SORCS1: variants seen among roughly 807,000 people sequenced by gnomAD.
The protein encoded by SORCS1 is VPS10 domain-containing receptor SorCS1.
Under a neutral mutation model 146.1 loss-of-function variants are expected in SORCS1, and 60 were observed. The observed-to-expected ratio is 0.41, with a 90% CI of 0.33 to 0.51. SORCS1 has a LOEUF of 0.51. Ranked by LOEUF, SORCS1 falls within the 20% of genes least tolerant of loss-of-function variation. SORCS1 has a pLI of 0.21. For synonymous variants in SORCS1, 637 were observed against 584.0 expected, an observed-to-expected ratio of 1.09 and a Z score of -1.31; for missense variants, 1,352 against 1,487.6, an observed-to-expected ratio of 0.91 and a Z score of 1.50.
chr10:106,624,209 G>A (rs1024549398), intron 19 of SORCS1, among the ~76,000 whole-genome samples: 1 of 152,150 alleles, frequency 6.6e-6, no homozygotes, highest in African/African-American at 2.4e-5. Flanking sequence ...ACAGCACCAA[G>A]TATCAATTTT....
At chr10:107,006,917 T>C (rs980989588) in intron 1 of SORCS1, among the ~76,000 whole-genome samples, 20 of 137,546 alleles carry the variant, frequency 1.5e-4, no homozygotes, top group African/African-American at 6.9e-4. Context: ...TTTTCAATGA[T>C]TATAAACAAA....
chr10:106,942,161 G>A (rs144491827), intron 2 of SORCS1, among the ~76,000 whole-genome samples: 32 of 152,250 alleles, frequency 2.1e-4, no homozygotes, highest in East Asian at 3.9e-4. Context: ...AGAGTTCCCC[G>A]GGGACAAGAC....
chr10:106,970,804 C>A (rs995691227), intron 1 of SORCS1, among the ~76,000 whole-genome samples: 3 of 151,862 alleles, frequency 2.0e-5, no homozygotes, highest in Non-Finnish European at 4.4e-5. Context: ...AATGGCGTGA[C>A]CCCAGCTCAC....
intron 1 of SORCS1, among the ~76,000 whole-genome samples, chr10:106,991,215 G>A (rs7072879): frequency 0.17 from 26,503 of 152,150 alleles, 7,067 homozygotes; most frequent in African/African-American, 0.58. Flanking sequence ...ATCCACACCA[G>A]TGCCTATTCA....
At chr10:106,600,314 T>A in intron 23 of SORCS1, 1 of 965,562 alleles carries the variant, frequency 1.0e-6, no homozygotes, top group Non-Finnish European at 1.2e-6. Flanking sequence ...AATTTAAATT[T>A]AAAAATTATC....
intron 2 of SORCS1, among the ~76,000 whole-genome samples, chr10:106,836,735 A>AT: frequency 6.6e-6 from 1 of 150,540 alleles, no homozygotes; most frequent in African/African-American, 2.5e-5. Flanking sequence ...AATTGATTAA[A>AT]TAAAAAAAAA....
rs1309847901 is a variant in SORCS1, at chr10:107,085,726, A to T, written c.558+78243T>A. ...AACATATGTGACACATTGAAGATGG[A>T]TCTTTAAAGATCCTACTTGGCTGAA... On this transcript the variant is annotated intron_variant, in intron 1 of 25. Transcript: ENST00000263054. 3.3e-5 allele frequency among the ~76,000 whole-genome samples: 5 copies of T among 152,310 alleles called. No homozygotes were observed. The East Asian group carries it at 9.7e-4, about 29-fold the overall frequency.
At chr10:106,865,597 C>G (rs1950197201) in intron 2 of SORCS1, among the ~76,000 whole-genome samples, 1 of 151,822 alleles carries the variant, frequency 6.6e-6, no homozygotes, top group Non-Finnish European at 1.5e-5. Context: ...TGGCAGCGGG[C>G]ACCTGTAATC....
At chr10:106,610,212 T>C (rs1322897017) in intron 22 of SORCS1, among the ~76,000 whole-genome samples, 1 of 151,938 alleles carries the variant, frequency 6.6e-6, no homozygotes, top group Admixed American at 6.6e-5. Context: ...CATCTATCCC[T>C]GTTTCTCCTT....
chr10:106,817,388 G>A (rs2136875736), intron 3 of SORCS1, among the ~76,000 whole-genome samples: 1 of 152,266 alleles, frequency 6.6e-6, no homozygotes, highest in South Asian at 2.1e-4. Context: ...TAGAGAAAAA[G>A]ATGAAGTACT....
At chr10:107,101,697 T>G (rs540791648) in intron 1 of SORCS1, among the ~76,000 whole-genome samples, 16 of 151,988 alleles carry the variant, frequency 1.1e-4, no homozygotes, top group Admixed American at 8.5e-4. Flanking sequence ...AACCTGAAAT[T>G]TAAGTATGTC....
chr10:106,592,352 T>C (rs940279045), intron 24 of SORCS1, among the ~76,000 whole-genome samples: 1 of 152,204 alleles, frequency 6.6e-6, no homozygotes, highest in Non-Finnish European at 1.5e-5. Context: ...GCAGACACCA[T>C]CCAGTCTCTA....
At chr10:106,968,584 G>A (rs941720776) in intron 1 of SORCS1, among the ~76,000 whole-genome samples, 1 of 152,022 alleles carries the variant, frequency 6.6e-6, no homozygotes, top group Admixed American at 6.6e-5. Context: ...TTATTCACAG[G>A]TCTGAAGAAG....
intron 1 of SORCS1, among the ~76,000 whole-genome samples, chr10:107,109,731 G>A (rs1247330955): frequency 2.6e-5 from 4 of 152,138 alleles, no homozygotes; most frequent in Non-Finnish European, 5.9e-5. Context: ...TTCCTCTCCT[G>A]AGAAAGCTTA....
At chr10:106,912,104 C>G (rs1210137163) in intron 2 of SORCS1, among the ~76,000 whole-genome samples, 2 of 137,802 alleles carry the variant, frequency 1.5e-5, no homozygotes, top group African/African-American at 5.6e-5. Flanking sequence ...CAGATTGAGC[C>G]TCCGTCTCAA....
chr10:107,074,096 A>C (rs1319910846), intron 1 of SORCS1, among the ~76,000 whole-genome samples: 2 of 152,280 alleles, frequency 1.3e-5, no homozygotes, highest in East Asian at 3.9e-4. Context: ...GGCCTTGTCC[A>C]TTCTATGCAT....
intron 1 of SORCS1, among the ~76,000 whole-genome samples, chr10:107,068,252 G>T (rs1962080692): frequency 1.3e-5 from 2 of 152,114 alleles, no homozygotes; most frequent in African/African-American, 4.8e-5. Flanking sequence ...AGACTTGAAA[G>T]ATCTGTCAAT....
intron 1 of SORCS1, among the ~76,000 whole-genome samples, chr10:107,151,376 T>C (rs972907303): frequency 6.6e-6 from 1 of 152,218 alleles, no homozygotes; most frequent in African/African-American, 2.4e-5. Context: ...GTTTTCATGC[T>C]GCTGATAAAG....
chr10:106,662,346 T>A (rs1452174349), intron 17 of SORCS1, among the ~76,000 whole-genome samples: 1 of 152,172 alleles, frequency 6.6e-6, no homozygotes, highest in Non-Finnish European at 1.5e-5. Context: ...AGGAATGATT[T>A]CCTGCATGCT....
Sources: allele counts gnomAD v4.1 joint callset (sites outside exome capture counted in the v4.1 genomes callset), GRCh38; gene constraint gnomAD v4.1.1; transcripts MANE v1.5; gene names NCBI Gene and HGNC (gene_info 2026-07-23, HGNC 2026-07-21).